The following CD226 variants were observed in gnomAD, a reference collection of about 807,000 sequenced individuals.
CD226 encodes the protein CD226 molecule, also known as CD226 antigen.
CD226 carries 24 observed loss-of-function variants against 34.9 expected under a neutral mutation model. The observed-to-expected ratio is 0.69, with a 90% CI of 0.50 to 0.97. CD226 has a LOEUF of 0.97. Ranked by LOEUF, CD226 falls within the 50% of genes least tolerant of loss-of-function variation. The pLI, the probability that CD226 is intolerant of heterozygous loss-of-function variation, is 0.00. For synonymous variants in CD226, 148 were observed against 147.4 expected (o/e 1.00, Z -0.03); for missense variants, 397 against 412.7 (o/e 0.96, Z 0.33).
chr18:69,888,037 G>A lies in CD226; in HGVS notation c.727+7664C>T, dbSNP rs79293483. Reference sequence around the variant, plus strand: ...TAGTCCTCCAGAAACCTAGTACATCGCCTTTGAATATTTATCAGGATCCAT... The same window carrying A: ...TAGTCCTCCAGAAACCTAGTACATCACCTTTGAATATTTATCAGGATCCAT... On this transcript the variant is annotated intron_variant, in intron 3 of 5. Coordinates refer to ENST00000582621, the MANE Select transcript of CD226 (RefSeq NM_001303618.2). 4.5e-3 allele frequency among the ~76,000 whole-genome samples: 681 copies of A among 152,076 alleles called. 2 individuals carry two copies. The highest frequency in any genetic ancestry group is 7.6e-3 in the Non-Finnish European group (516 of 67,978).
At chr18:69,890,444 C>A (rs1984826091) in intron 3 of CD226, among the ~76,000 whole-genome samples, 1 of 151,814 alleles carries the variant, frequency 6.6e-6, no homozygotes, top group South Asian at 2.1e-4. Context: ...AGTCTCATAA[C>A]CCGGTCTCAA....
At chr18:69,867,665 T>C (rs1178715520) in intron 4 of CD226, among the ~76,000 whole-genome samples, 5 of 152,216 alleles carry the variant, frequency 3.3e-5, no homozygotes, top group African/African-American at 1.2e-4. Flanking sequence ...TTAATCTCAG[T>C]GATTTTACTA....
intron 2 of CD226, among the ~76,000 whole-genome samples, chr18:69,917,635 T>A (rs957952426): frequency 6.6e-6 from 1 of 152,202 alleles, no homozygotes; most frequent in African/African-American, 2.4e-5. Context: ...TTTTAGTGAG[T>A]TAGCGCTGTC....
Position 69,947,476 on chromosome 18 carries a change from T to C in CD226, c.-70A>G. On this transcript the variant is annotated 5_prime_UTR_variant, in exon 1 of 6. Transcript: ENST00000582621. ...TGCTTTTTATAATGTGACATGCAGA[T>C]CCCCAGCACAATGCAGTTTCCTTCC... The C allele has an allele frequency of 1.1e-6, 1 of 921,252 alleles. No homozygotes were observed. The allele number at this position is 921,252 out of a possible 1,614,324, so 57.1% of individuals were successfully genotyped here. A position where few individuals can be genotyped will look rare whatever the true frequency, so the allele number is the denominator to read the frequency against.
At chr18:69,872,090 G>GTGTGTGT (rs57236296) in intron 4 of CD226, among the ~76,000 whole-genome samples, 6 of 149,522 alleles carry the variant, frequency 4.0e-5, no homozygotes, top group South Asian at 2.1e-4. Context: ...GTGTGTGTGT[G>GTGTGTGT]GTGCATTTGG....
intron 2 of CD226, among the ~76,000 whole-genome samples, chr18:69,939,624 T>C (rs765691784): frequency 6.6e-6 from 1 of 152,226 alleles, no homozygotes; most frequent in Non-Finnish European, 1.5e-5. Context: ...AGAGTAGAAT[T>C]ATTGGATCAT....
At chr18:69,897,123 T>A (rs1244888141) in intron 2 of CD226, among the ~76,000 whole-genome samples, 1 of 152,212 alleles carries the variant, frequency 6.6e-6, no homozygotes, top group East Asian at 1.9e-4. Flanking sequence ...CTCACAGGTA[T>A]ACAGTAGATA....
intron 2 of CD226, among the ~76,000 whole-genome samples, chr18:69,932,679 C>T (rs761351389): frequency 3.9e-5 from 6 of 152,220 alleles, no homozygotes; most frequent in Admixed American, 6.5e-5. Flanking sequence ...AGCATGACCA[C>T]GCTTCAGTCC....
At chr18:69,957,173 T>G (rs924950972), upstream of CD226, 1 of 152,216 alleles carries the variant, frequency 6.6e-6, no homozygotes, top group East Asian at 1.9e-4. Context: ...TCTCCTTTGT[T>G]CTAGCTCTAA....
At chr18:69,917,062 T>G (rs2055394849) in intron 2 of CD226, among the ~76,000 whole-genome samples, 1 of 152,164 alleles carries the variant, frequency 6.6e-6, no homozygotes, top group Non-Finnish European at 1.5e-5. Context: ...GAACAGGTTC[T>G]TATCATCACC....
At position 69,895,744 on chromosome 18, in the gene CD226, T is replaced by C; in HGVS notation, c.684A>G (p.Ala228=). The C allele has an allele frequency of 5.0e-6, 8 of 1,614,142 alleles. No homozygotes were observed. Among genetic ancestry groups the C allele is most frequent in the African/African-American group, 1.3e-5 (1 of 75,048 alleles). Residue 228 remains alanine (A), a synonymous_variant, in exon 3 of 6, where the codon GCA becomes GCG. Transcript: ENST00000582621. The part of the protein sequence containing the change: ...GLYRCYLQAS[A]GENETFVMRL... ...TCATCACGAAGGTTTCGTTTTCTCCTGCGCTGGCCTGCAAGTAGCAGCGGT... is the reference window on the plus strand; with the variant it reads ...TCATCACGAAGGTTTCGTTTTCTCCCGCGCTGGCCTGCAAGTAGCAGCGGT...
At chr18:69,923,395 C>T (rs956296742) in intron 2 of CD226, among the ~76,000 whole-genome samples, 2 of 152,100 alleles carry the variant, frequency 1.3e-5, no homozygotes, top group East Asian at 3.9e-4. Context: ...TAGAATCCTG[C>T]CCCCTCCTCA....
chr18:69,880,345 A>G (rs868015951), intron 3 of CD226, among the ~76,000 whole-genome samples: 26 of 69,018 alleles, frequency 3.8e-4, no homozygotes, highest in African/African-American at 5.6e-4. Context: ...AGAAAGAAAG[A>G]AAGAAAGAAA....
chr18:69,926,626 C>T (rs923260361), intron 2 of CD226, among the ~76,000 whole-genome samples: 1 of 152,124 alleles, frequency 6.6e-6, no homozygotes, highest in Non-Finnish European at 1.5e-5. Context: ...GTTTCAGACT[C>T]AACAAGATAT....
At chr18:69,907,481 T>G (rs1252778027) in intron 2 of CD226, among the ~76,000 whole-genome samples, 2 of 152,174 alleles carry the variant, frequency 1.3e-5, no homozygotes, top group East Asian at 3.9e-4. Context: ...CTAAATTTTT[T>G]GTATTTTTAG....
At chr18:69,868,287 C>G (rs1015508508) in intron 4 of CD226, among the ~76,000 whole-genome samples, 3 of 152,286 alleles carry the variant, frequency 2.0e-5, no homozygotes, top group African/African-American at 7.2e-5. Flanking sequence ...ACAACAGACT[C>G]CTCTGTTAGA....
intron 2 of CD226, among the ~76,000 whole-genome samples, chr18:69,924,333 C>T (rs1034674997): frequency 6.6e-6 from 1 of 152,040 alleles, no homozygotes; most frequent in African/African-American, 2.4e-5. Context: ...ATTTATATTG[C>T]ATTGCGGAAT....
chr18:69,890,600 CAT>C (rs1984836951), intron 3 of CD226, among the ~76,000 whole-genome samples: 1 of 152,034 alleles, frequency 6.6e-6, no homozygotes, highest in African/African-American at 2.4e-5. Context: ...TGGAAAAAAA[CAT>C]AGACATTGAG....
At position 69,926,537 on chromosome 18, in the gene CD226, C is replaced by A. The variant is rs543971736; in HGVS notation, c.382+20197G>T. On this transcript the variant is annotated intron_variant, in intron 2 of 5. Coordinates refer to ENST00000582621, the MANE Select transcript of CD226 (RefSeq NM_001303618.2). ...AGGGCAGGAGCTATAATATCTCATT[C>A]ATCCTAATATTTCCAGTTCCTGATG... 4.6e-5 allele frequency among the ~76,000 whole-genome samples: 7 copies of A among 152,268 alleles called. No individual in the cohort carries two copies. In the South Asian group the frequency reaches 1.5e-3, roughly 32 times the overall value.
Sources: allele counts gnomAD v4.1 joint callset (sites outside exome capture counted in the v4.1 genomes callset), GRCh38; gene constraint gnomAD v4.1.1; transcripts MANE v1.5; gene names NCBI Gene and HGNC (gene_info 2026-07-23, HGNC 2026-07-21).